Variants in CDH18 observed in about 807,000 individuals in gnomAD.
The protein encoded by CDH18 is cadherin-18.
CDH18 carries 31 observed loss-of-function variants against 67.9 expected under a neutral mutation model. The ratio of observed to expected loss-of-function variants is 0.46; its 90% CI spans 0.34 to 0.62. The LOEUF (loss-of-function observed/expected upper bound fraction) is 0.62, where lower values mean the gene tolerates loss of function less well. Ranked by LOEUF, CDH18 falls within the 20% of genes least tolerant of loss-of-function variation. CDH18 has a pLI of 0.01. For synonymous variants in CDH18, 362 were observed against 347.2 expected, an observed-to-expected ratio of 1.04 and a Z score of -0.48; for missense variants, 890 against 975.5, an observed-to-expected ratio of 0.91 and a Z score of 1.17.
At chr5:19,524,473 T>A (rs1380732004) in intron 9 of CDH18, among the ~76,000 whole-genome samples, 1 of 151,792 alleles carries the variant, frequency 6.6e-6, no homozygotes, top group Non-Finnish European at 1.5e-5. Flanking sequence ...TAATAATTAG[T>A]CAAAATGCTT....
At chr5:19,537,952 T>A (rs534965529) in intron 9 of CDH18, among the ~76,000 whole-genome samples, 1 of 151,982 alleles carries the variant, frequency 6.6e-6, no homozygotes, top group African/African-American at 2.4e-5. Flanking sequence ...TTTTAAGAGG[T>A]AAAAGAATGA....
chr5:20,488,673 TTATA>T (rs34690857), intron 1 of CDH18, among the ~76,000 whole-genome samples: 26,473 of 126,860 alleles, frequency 0.21, 2,672 homozygotes, highest in East Asian at 0.36. Context: ...GGGTAGTGTT[TTATA>T]TATATATATA....
chr5:20,200,804 T>C (rs1438293932), intron 2 of CDH18, among the ~76,000 whole-genome samples: 1 of 152,140 alleles, frequency 6.6e-6, no homozygotes, highest in Non-Finnish European at 1.5e-5. Context: ...TCCCACGATA[T>C]ATAATTAAAA....
chr5:20,570,410 G>A (rs1033044039), intron 1 of CDH18, among the ~76,000 whole-genome samples: 21 of 151,604 alleles, frequency 1.4e-4, no homozygotes, highest in African/African-American at 2.4e-4. Flanking sequence ...TTTGCCTGTC[G>A]TAAAACAATG....
chr5:19,776,111 G>GA (rs1196439402), intron 3 of CDH18, among the ~76,000 whole-genome samples: 11 of 151,828 alleles, frequency 7.2e-5, no homozygotes, highest in South Asian at 4.2e-4. Flanking sequence ...GGAGAAATTT[G>GA]AAAAAAATAC....
At chr5:20,015,979 T>A (rs999786098) in intron 2 of CDH18, among the ~76,000 whole-genome samples, 1 of 152,098 alleles carries the variant, frequency 6.6e-6, no homozygotes, top group Non-Finnish European at 1.5e-5. Flanking sequence ...AAAAAGGGAA[T>A]ATAAATTGTT....
intron 3 of CDH18, among the ~76,000 whole-genome samples, chr5:19,763,869 C>A (rs998846285): frequency 6.6e-6 from 1 of 151,750 alleles, no homozygotes; most frequent in South Asian, 2.1e-4. Flanking sequence ...GCACATGAGG[C>A]TGGGCACAGT....
At chr5:20,009,826 G>C (rs536438601) in intron 2 of CDH18, among the ~76,000 whole-genome samples, 2 of 151,910 alleles carry the variant, frequency 1.3e-5, no homozygotes, top group Non-Finnish European at 2.9e-5. Flanking sequence ...TTTGCTTCTT[G>C]TTCTTTGTTT....
At chr5:19,969,357 G>T (rs1289093709) in intron 2 of CDH18, among the ~76,000 whole-genome samples, 1 of 147,784 alleles carries the variant, frequency 6.8e-6, no homozygotes, top group Non-Finnish European at 1.5e-5. Context: ...TATACCCAAA[G>T]GACTATAAAT....
chr5:20,469,478 T>C (rs1386514809), intron 1 of CDH18, among the ~76,000 whole-genome samples: 1 of 152,140 alleles, frequency 6.6e-6, no homozygotes, highest in Non-Finnish European at 1.5e-5. Context: ...TGAAATGAAG[T>C]TTCATTGCCA....
intron 1 of CDH18, among the ~76,000 whole-genome samples, chr5:20,354,064 T>C (rs1184026901): frequency 2.0e-5 from 3 of 152,352 alleles, no homozygotes; most frequent in Admixed American, 6.5e-5. Context: ...ATTATTTTTA[T>C]TGGAAGCTAA....
intron 2 of CDH18, among the ~76,000 whole-genome samples, chr5:19,888,769 G>C (rs1452322957): frequency 6.6e-6 from 1 of 152,022 alleles, no homozygotes; most frequent in Non-Finnish European, 1.5e-5. Context: ...ATTAGCAGAG[G>C]CCTCCTGTAC....
At chr5:19,860,185 C>T (rs973260200) in intron 2 of CDH18, among the ~76,000 whole-genome samples, 1 of 152,034 alleles carries the variant, frequency 6.6e-6, no homozygotes, top group Admixed American at 6.6e-5. Flanking sequence ...ATTGAGAACC[C>T]TCAGAATATG....
intron 1 of CDH18, among the ~76,000 whole-genome samples, chr5:20,540,079 C>T (rs1455864734): frequency 6.6e-6 from 1 of 152,004 alleles, no homozygotes; most frequent in Non-Finnish European, 1.5e-5. Flanking sequence ...TAAAAATTTA[C>T]CAAAAGCTTT....
At chr5:20,195,271 AT>A (rs1738884309) in intron 2 of CDH18, among the ~76,000 whole-genome samples, 1 of 151,966 alleles carries the variant, frequency 6.6e-6, no homozygotes, top group South Asian at 2.1e-4. Context: ...GTTTTTTCAT[AT>A]TTAACCACAT....
At chr5:20,502,032 A>T (rs1754365249) in intron 1 of CDH18, among the ~76,000 whole-genome samples, 2 of 152,040 alleles carry the variant, frequency 1.3e-5, no homozygotes, top group South Asian at 4.1e-4. Flanking sequence ...AGAAGTAAAC[A>T]GTGTGTATCT....
In CDH18 at chr5:19,474,673, TCA is replaced by T. The variant is rs932459923; in HGVS notation, c.1883-959_1883-958del. 2.6e-5 allele frequency among the ~76,000 whole-genome samples: 4 copies of T among 152,248 alleles called. No homozygotes were observed. The South Asian group carries it at 8.3e-4, about 32-fold the overall frequency. On this transcript the variant is annotated intron_variant, in intron 12 of 12. Transcript: ENST00000382275. Reference sequence around the variant, plus strand: ...TTGTACCATAATGTGATTTCTCGCATCACAGGTAATGATATTTCTACTATAAA... The same window carrying T: ...TTGTACCATAATGTGATTTCTCGCATCAGGTAATGATATTTCTACTATAAA...
In CDH18 at chr5:20,494,914, G is replaced by C. The variant is rs74416876; in HGVS notation, c.-580+80548C>G. 5.3e-3 allele frequency among the ~76,000 whole-genome samples: 809 copies of C among 152,238 alleles called. 10 individuals are homozygous for C. The highest frequency in any genetic ancestry group is 0.019 in the African/African-American group (775 of 41,554). On this transcript the variant is annotated intron_variant, in intron 1 of 14. Transcript: ENST00000507958. ...ACAGCCCTGGGTCTTGGCCAAAGGA[G>C]CATTCGGGGATAGAATGAGGGAAGC...
chr5:20,315,152 G>A (rs997371635), intron 1 of CDH18, among the ~76,000 whole-genome samples: 21 of 152,070 alleles, frequency 1.4e-4, no homozygotes, highest in African/African-American at 4.3e-4. Flanking sequence ...TCCCATCTCT[G>A]TTAAAGACAC....
Sources: gnomAD v4.1 joint callset for allele counts (sites outside exome capture counted in the v4.1 genomes callset) on GRCh38, gnomAD v4.1.1 for gene constraint, MANE v1.5 for transcripts, NCBI Gene and HGNC (gene_info 2026-07-23, HGNC 2026-07-21) for gene names.